TENM4: variants seen among roughly 807,000 people sequenced by gnomAD.
TENM4 encodes the protein teneurin-4.
TENM4 carries 82 observed loss-of-function variants against 243.3 expected under a neutral mutation model. The observed-to-expected ratio is 0.34, with a 90% CI of 0.28 to 0.40. The LOEUF (loss-of-function observed/expected upper bound fraction) is 0.40. Ranked by LOEUF, TENM4 falls within the 10% of genes least tolerant of loss-of-function variation. The pLI, the probability that TENM4 is intolerant of heterozygous loss-of-function variation, is 1.00. For missense variants in TENM4, 3,138 were observed against 3,673.3 expected (o/e 0.85, Z 3.77); for synonymous variants, 1,412 against 1,456.3 (o/e 0.97, Z 0.69).
intron 6 of TENM4, among the ~76,000 whole-genome samples, chr11:78,959,463 AT>A (rs1265753549): frequency 6.6e-6 from 1 of 152,196 alleles, no homozygotes; most frequent in East Asian, 1.9e-4. Flanking sequence ...CAGTACCAGC[AT>A]GTCCTTTGGC....
chr11:78,842,196 C>A (rs1033705876), intron 12 of TENM4, among the ~76,000 whole-genome samples: 5 of 152,192 alleles, frequency 3.3e-5, no homozygotes, highest in African/African-American at 9.7e-5. Context: ...CAACTAACTT[C>A]CCCTCCTTAT....
intron 15 of TENM4, among the ~76,000 whole-genome samples, chr11:78,796,903 C>T (rs1389514433): frequency 6.6e-6 from 1 of 152,242 alleles, no homozygotes; most frequent in Non-Finnish European, 1.5e-5. Flanking sequence ...TCCACCACCA[C>T]CTTGAATTCC....
At chr11:79,296,669 A>G (rs1856459887) in intron 2 of TENM4, among the ~76,000 whole-genome samples, 1 of 152,240 alleles carries the variant, frequency 6.6e-6, no homozygotes, top group South Asian at 2.1e-4. Context: ...AATGTTTTAG[A>G]TTTAGTAAAT....
At chr11:79,060,984 CA>C (rs1420056207) in intron 6 of TENM4, among the ~76,000 whole-genome samples, 2 of 151,958 alleles carry the variant, frequency 1.3e-5, no homozygotes, top group Non-Finnish European at 1.5e-5. Flanking sequence ...TTGTTGAGGT[CA>C]GTGGGAACTA....
intron 1 of TENM4, among the ~76,000 whole-genome samples, chr11:79,340,844 AC>A (rs769140873): frequency 2.4e-4 from 36 of 152,178 alleles, no homozygotes; most frequent in Non-Finnish European, 2.6e-4. Context: ...CTCCCCACCA[AC>A]AAAAAAAAAT....
chr11:79,366,145 C>T (rs553763290), intron 1 of TENM4, among the ~76,000 whole-genome samples: 3 of 152,292 alleles, frequency 2.0e-5, no homozygotes, highest in East Asian at 1.9e-4. Flanking sequence ...ATTCTTTCCA[C>T]GAGACCTCCC....
intron 4 of TENM4, among the ~76,000 whole-genome samples, chr11:79,138,568 AC>A (rs1442249276): frequency 1.3e-4 from 4 of 30,310 alleles, no homozygotes; most frequent in Admixed American, 3.9e-4. Context: ...AATACATAAA[AC>A]ATATATTTAT....
At chr11:78,826,661 T>C (rs1857859081) in intron 12 of TENM4, among the ~76,000 whole-genome samples, 1 of 152,136 alleles carries the variant, frequency 6.6e-6, no homozygotes. Flanking sequence ...CTGGAGTAGA[T>C]ATTACAAACA....
chr11:79,348,075 G>T (rs1022620114), intron 1 of TENM4, among the ~76,000 whole-genome samples: 23 of 152,124 alleles, frequency 1.5e-4, no homozygotes, highest in African/African-American at 5.6e-4. Flanking sequence ...CACCGCGCCC[G>T]GCCCCTCTCA....
chr11:78,787,195 G>A, intron 15 of TENM4, 112 bp from the exon 16 acceptor site: 1 of 1,286,996 alleles, frequency 7.8e-7, no homozygotes, highest in Non-Finnish European at 1.0e-6. Flanking sequence ...GCAAGTTATT[G>A]TTGGAAACCA....
At position 79,020,121 on chromosome 11, in the gene TENM4, C is replaced by T. The variant is rs556148797; in HGVS notation, c.493+44617G>A. On this transcript the variant is annotated intron_variant, in intron 6 of 33. Coordinates refer to ENST00000278550, the MANE Select transcript of TENM4 (RefSeq NM_001098816.3). ...AATAGAACAGATCAACAATGGCTCTCGCTCAGGGTAAAACAAAGCTTCTTG... is the reference window on the plus strand; with the variant it reads ...AATAGAACAGATCAACAATGGCTCTTGCTCAGGGTAAAACAAAGCTTCTTG... Among the ~76,000 whole-genome samples, 9 of 152,264 alleles carry T rather than the reference C, an allele frequency of 5.9e-5. No individual in the cohort carries two copies. The South Asian group carries it at 1.9e-3, about 32-fold the overall frequency.
At chr11:79,437,424 G>C (rs1012092460) in intron 1 of TENM4, among the ~76,000 whole-genome samples, 2 of 152,136 alleles carry the variant, frequency 1.3e-5, no homozygotes, top group Admixed American at 6.5e-5. Flanking sequence ...AGAAAGGCGC[G>C]GCCGGGACCC....
chr11:79,261,874 A>G (rs1042106724), intron 2 of TENM4, among the ~76,000 whole-genome samples: 16 of 152,188 alleles, frequency 1.1e-4, no homozygotes, highest in Non-Finnish European at 1.9e-4. Context: ...TTATGCTGCC[A>G]ACATTTGGTT....
chr11:79,147,679 A>G (rs1292452243), intron 4 of TENM4, among the ~76,000 whole-genome samples: 3 of 152,064 alleles, frequency 2.0e-5, no homozygotes, highest in Non-Finnish European at 2.9e-5. Flanking sequence ...TGTTTTGAAC[A>G]CTTTCTATGT....
At chr11:79,132,799 C>T (rs577441763) in intron 4 of TENM4, among the ~76,000 whole-genome samples, 15 of 152,036 alleles carry the variant, frequency 9.9e-5, no homozygotes, top group South Asian at 2.1e-4. Flanking sequence ...TCGAACTTAA[C>T]GACAATAATG....
intron 28 of TENM4, among the ~76,000 whole-genome samples, chr11:78,694,586 G>C (rs1184985951): frequency 6.6e-6 from 1 of 152,204 alleles, no homozygotes; most frequent in Non-Finnish European, 1.5e-5. Context: ...CAGATCTGGG[G>C]CTGAACCCTG....
At chr11:79,396,571 C>A (rs906368408) in intron 1 of TENM4, among the ~76,000 whole-genome samples, 1 of 152,204 alleles carries the variant, frequency 6.6e-6, no homozygotes, top group Admixed American at 6.5e-5. Context: ...TGCAGGGACC[C>A]CTTCCACCCC....
At chr11:78,916,902 G>A (rs1466395735) in intron 6 of TENM4, among the ~76,000 whole-genome samples, 1 of 152,128 alleles carries the variant, frequency 6.6e-6, no homozygotes, top group East Asian at 1.9e-4. Context: ...AATGATAAAA[G>A]CTAAGATCCC....
At chr11:79,247,532 C>T (rs972299695) in intron 2 of TENM4, among the ~76,000 whole-genome samples, 4 of 152,138 alleles carry the variant, frequency 2.6e-5, no homozygotes. Flanking sequence ...TCATCCACAG[C>T]CACTGCCTAT....
Sources: allele counts gnomAD v4.1 joint callset (sites outside exome capture counted in the v4.1 genomes callset), GRCh38; gene constraint gnomAD v4.1.1; transcripts MANE v1.5; gene names NCBI Gene and HGNC (gene_info 2026-07-23, HGNC 2026-07-21).